IPO5: variants seen among roughly 807,000 people sequenced by gnomAD.
The protein encoded by IPO5 is importin-5.
IPO5 carries 18 observed loss-of-function variants against 143.3 expected under a neutral mutation model. The ratio of observed to expected loss-of-function variants is 0.13; its 90% confidence interval spans 0.09 to 0.19. The LOEUF (loss-of-function observed/expected upper bound fraction) is 0.19. Among genes scored for constraint, IPO5 ranks in the 10% least tolerant of loss-of-function variants. The probability of loss-of-function intolerance (pLI) is 1.00; values close to 1 mark genes in which losing one functional copy is unlikely to be tolerated. For missense variants in IPO5, 1,013 were observed against 1,336.9 expected (o/e 0.76, Z 3.78); for synonymous variants, 477 against 465.7 (o/e 1.02, Z -0.31).
chr13:97,962,451 G>A (rs934072586), intron 2 of IPO5, among the ~76,000 whole-genome samples: 7 of 152,078 alleles, frequency 4.6e-5, no homozygotes, highest in African/African-American at 7.2e-5. Context: ...AAGTTGTACC[G>A]GCAACAATCT....
chr13:97,959,906 T>C (rs1041455358), intron 2 of IPO5, among the ~76,000 whole-genome samples: 1 of 152,220 alleles, frequency 6.6e-6, no homozygotes, highest in Non-Finnish European at 1.5e-5. Flanking sequence ...GGGAACCCTG[T>C]CCGCATGCTC....
intron 2 of IPO5, among the ~76,000 whole-genome samples, chr13:97,967,406 T>C (rs1475321478): frequency 6.6e-6 from 1 of 152,140 alleles, no homozygotes; most frequent in African/African-American, 2.4e-5. Context: ...TTTAGTCTTC[T>C]TTCTCTTTTT....
Position 97,982,589 on chromosome 13 carries a change from A to G in IPO5, c.171+6A>G, listed in dbSNP as rs776803127. ...ATACAACAGCTGCTGAAGAGGTACT[A>G]CCTTAATATTTGTGACTATTACATT... On this transcript the variant is annotated splice_donor_region_variant and intron_variant, in intron 5 of 28. Coordinates refer to ENST00000651721, the MANE Select transcript of IPO5 (RefSeq NM_002271.6). The G allele has an allele frequency of 1.9e-6, 3 of 1,543,212 alleles. No homozygotes were observed. The highest frequency in any genetic ancestry group is 1.7e-5 in the Admixed American group (1 of 59,364).
chr13:98,024,135 ACT>A lies in IPO5; in HGVS notation c.*2315_*2316del, dbSNP rs1193107974. 6.6e-6 allele frequency: 1 copy of A among 152,164 alleles called. No homozygotes were observed. The highest frequency in any genetic ancestry group is 1.9e-4 in the East Asian group (1 of 5,194). The allele number at this position is 152,164 out of a possible 1,614,324, so 9.4% of individuals were successfully genotyped here. ...CACAAGTGTTAGAAACTTTGGCATA[ACT>A]CAATTTGGAGTATTTTTTAAATGCT... On this transcript the variant is annotated 3_prime_UTR_variant, in exon 29 of 29. Coordinates refer to ENST00000651721, the MANE Select transcript of IPO5 (RefSeq NM_002271.6).
intron 12 of IPO5, among the ~76,000 whole-genome samples, chr13:98,000,001 C>G (rs1025339231): frequency 3.9e-5 from 6 of 152,016 alleles, no homozygotes; most frequent in African/African-American, 1.4e-4. Flanking sequence ...AAATAAGATT[C>G]AGGCTGGGCA....
intron 18 of IPO5, 131 bp downstream of exon 18, chr13:98,008,273 T>TCA: frequency 1.7e-6 from 1 of 584,170 alleles, no homozygotes; most frequent in South Asian, 2.3e-5. Flanking sequence ...GAGACATTCT[T>TCA]CACTGATTTT....
At chr13:97,993,278 T>TCCAA in intron 11 of IPO5, 53 bp downstream of exon 11, 1 of 1,488,756 alleles carries the variant, frequency 6.7e-7, no homozygotes, top group Non-Finnish European at 9.3e-7. Flanking sequence ...AATTTTTGGA[T>TCCAA]AAATTTGCTG....
At chr13:98,000,047 G>A (rs1224918469) in intron 12 of IPO5, among the ~76,000 whole-genome samples, 1 of 152,140 alleles carries the variant, frequency 6.6e-6, no homozygotes, top group African/African-American at 2.4e-5. Flanking sequence ...CATTTTGGGA[G>A]GCCCAGGCGG....
chr13:97,954,081 T>C (rs1219650630), intron 1 of IPO5, 38 bp from the exon 2 acceptor site: 4 of 286,406 alleles, frequency 1.4e-5, no homozygotes, highest in Middle Eastern at 4.2e-4. Flanking sequence ...TGTGTTGCCA[T>C]CCTGAAACAG....
At chr13:98,012,031 T>C (rs1174164417) in intron 20 of IPO5, among the ~76,000 whole-genome samples, 1 of 152,134 alleles carries the variant, frequency 6.6e-6, no homozygotes, top group Admixed American at 6.5e-5. Flanking sequence ...TTTTTTTTTT[T>C]CTTTTTGTCA....
intron 2 of IPO5, among the ~76,000 whole-genome samples, chr13:97,966,801 G>A (rs1349734410): frequency 6.6e-6 from 1 of 152,212 alleles, no homozygotes; most frequent in Non-Finnish European, 1.5e-5. Context: ...CACTTTGAGA[G>A]GCCGAGGGAG....
chr13:97,978,699 A>AATT (rs1248438701), intron 4 of IPO5, among the ~76,000 whole-genome samples: 73 of 152,266 alleles, frequency 4.8e-4, no homozygotes, highest in Non-Finnish European at 9.4e-4. Flanking sequence ...TGTAATTAGT[A>AATT]AGCTAGTTTA....
intron 4 of IPO5, among the ~76,000 whole-genome samples, chr13:97,977,852 A>G (rs1017257610): frequency 2.2e-4 from 33 of 152,224 alleles, no homozygotes; most frequent in Non-Finnish European, 4.4e-4. Context: ...CATAAGATTA[A>G]GTGAAGGATG....
chr13:98,017,247 T>C (rs1228614852), intron 25 of IPO5, among the ~76,000 whole-genome samples: 2 of 151,776 alleles, frequency 1.3e-5, no homozygotes, highest in African/African-American at 4.8e-5. Flanking sequence ...TGGGCATATA[T>C]ATATATATAT....
At chr13:98,012,007 C>T (rs927706253) in intron 20 of IPO5, among the ~76,000 whole-genome samples, 13 of 151,660 alleles carry the variant, frequency 8.6e-5, no homozygotes, top group Non-Finnish European at 8.8e-5. Context: ...ACAATATATA[C>T]GACAATAATT....
intron 12 of IPO5, among the ~76,000 whole-genome samples, chr13:97,999,201 T>C (rs1424506003): frequency 6.6e-6 from 1 of 152,132 alleles, no homozygotes; most frequent in Admixed American, 6.5e-5. Flanking sequence ...TATAAACTAC[T>C]AGGTTAATAA....
In IPO5 at chr13:97,997,847, A is replaced by G. The variant is rs75330383; in HGVS notation, c.1001+229A>G. 8.9e-3 allele frequency among the ~76,000 whole-genome samples: 1,356 copies of G among 152,376 alleles called. 22 individuals are homozygous for G. The highest frequency in any genetic ancestry group is 0.03 in the African/African-American group (1,249 of 41,590). ...TTATGTTTCTTGGAAGTTCATAAAA[A>G]TATTTTAATAGTTAATACATAAAGT... On this transcript the variant is annotated intron_variant, in intron 12 of 28. Transcript: ENST00000651721.
intron 17 of IPO5, chr13:98,007,448 T>C (rs1889358382): frequency 6.6e-6 from 1 of 152,270 alleles, no homozygotes; most frequent in South Asian, 2.1e-4. Flanking sequence ...GCAAAAGAAG[T>C]TTCTCTGTCA....
At chr13:98,010,499 T>A (rs1288320726) in intron 20 of IPO5, among the ~76,000 whole-genome samples, 1 of 152,160 alleles carries the variant, frequency 6.6e-6, no homozygotes, top group Non-Finnish European at 1.5e-5. Flanking sequence ...TACAAAAAGT[T>A]TATAAGCTAC....
Sources: allele counts gnomAD v4.1 joint callset (sites outside exome capture counted in the v4.1 genomes callset), GRCh38; gene constraint gnomAD v4.1.1; transcripts MANE v1.5; gene names NCBI Gene and HGNC (gene_info 2026-07-23, HGNC 2026-07-21).